The following WDPCP variants were observed in gnomAD, a reference collection of about 807,000 sequenced individuals.
WDPCP encodes WD repeat-containing and planar cell polarity effector protein fritz homolog.
WDPCP carries 71 observed loss-of-function variants against 93.1 expected under a neutral mutation model. The observed-to-expected ratio is 0.76, with a 90% CI of 0.63 to 0.93. The LOEUF (loss-of-function observed/expected upper bound fraction) is 0.93, where lower values mean the gene tolerates loss of function less well. Ranked by LOEUF, WDPCP falls within the 40% of genes least tolerant of loss-of-function variation. The pLI is 0.00. For synonymous variants in WDPCP, 315 were observed against 315.0 expected (o/e 1.00, Z 0.00); for missense variants, 844 against 887.4 (o/e 0.95, Z 0.62).
At chr2:63,837,971 C>T in the WDPCP span, among the ~76,000 whole-genome samples, 1 of 152,040 alleles carries the variant, frequency 6.6e-6, no homozygotes, top group East Asian at 1.9e-4. Context: ...AGGTGGGGAC[C>T]TGTAATCCTG....
At chr2:63,692,561 T>C (rs1181323812) in intron 2 of WDPCP, among the ~76,000 whole-genome samples, 2 of 152,188 alleles carry the variant, frequency 1.3e-5, no homozygotes, top group African/African-American at 4.8e-5. Flanking sequence ...CTAAACAGTA[T>C]AAACCAAGGT....
chr2:63,462,879 T>C (rs1699112560), intron 6 of WDPCP, among the ~76,000 whole-genome samples: 2 of 152,128 alleles, frequency 1.3e-5, no homozygotes, highest in East Asian at 3.9e-4. Context: ...GAGGGGTCTC[T>C]GCGTTTCATT....
chr2:63,376,443 T>C (rs780982660), intron 12 of WDPCP, among the ~76,000 whole-genome samples: 15 of 151,894 alleles, frequency 9.9e-5, no homozygotes, highest in Non-Finnish European at 2.1e-4. Context: ...ATTAGTAGAA[T>C]AGAGCATCCT....
At chr2:63,421,204 T>C (rs1389570920) in intron 9 of WDPCP, among the ~76,000 whole-genome samples, 1 of 152,168 alleles carries the variant, frequency 6.6e-6, no homozygotes. Context: ...ACAGGATAAA[T>C]ATATAAATGT....
chr2:63,692,097 G>A (rs1350308175), intron 2 of WDPCP, among the ~76,000 whole-genome samples: 2 of 152,070 alleles, frequency 1.3e-5, no homozygotes, highest in Admixed American at 6.5e-5. Flanking sequence ...TTGAGCCACA[G>A]ATTTCTAGCT....
intron 13 of WDPCP, among the ~76,000 whole-genome samples, chr2:63,288,382 G>C (rs2104991284): frequency 6.6e-6 from 1 of 152,314 alleles, no homozygotes; most frequent in Admixed American, 6.5e-5. Flanking sequence ...TTCAAAAGCA[G>C]AATAATGTCC....
chr2:63,180,174 A>G (rs1055703428), intron 14 of WDPCP, among the ~76,000 whole-genome samples: 4 of 152,182 alleles, frequency 2.6e-5, no homozygotes. Flanking sequence ...GAGGGTGGTA[A>G]CTGTGTTGTT....
chr2:63,550,208 CA>C (rs1383027407), intron 1 of WDPCP, among the ~76,000 whole-genome samples: 7 of 150,604 alleles, frequency 4.6e-5, no homozygotes, highest in Non-Finnish European at 7.4e-5. Context: ...CACACACACA[CA>C]CACACACACA....
At chr2:63,264,247 G>A (rs1283213868) in intron 13 of WDPCP, among the ~76,000 whole-genome samples, 3 of 152,182 alleles carry the variant, frequency 2.0e-5, no homozygotes, top group Admixed American at 6.5e-5. Context: ...CACCTCTGAG[G>A]ACACACAGAC....
intron 4 of WDPCP, 67 bp from the exon 5 acceptor site, chr2:63,485,054 G>A: frequency 6.5e-7 from 1 of 1,548,598 alleles, no homozygotes; most frequent in South Asian, 1.1e-5. Context: ...GCTTAGCAGT[G>A]TGCCTTAGGG....
chr2:63,837,229 T>C, the WDPCP span, among the ~76,000 whole-genome samples: 1 of 152,238 alleles, frequency 6.6e-6, no homozygotes, highest in Non-Finnish European at 1.5e-5. Context: ...CATTCATTAG[T>C]AGTCCATCTC....
At chr2:63,157,413 T>A (rs1672337107) in intron 15 of WDPCP, among the ~76,000 whole-genome samples, 1 of 152,120 alleles carries the variant, frequency 6.6e-6, no homozygotes, top group African/African-American at 2.4e-5. Context: ...TGAGCTGGGA[T>A]GTGTTGAATT....
intron 2 of WDPCP, among the ~76,000 whole-genome samples, chr2:63,767,541 T>A (rs1055935247): frequency 6.6e-6 from 1 of 152,248 alleles, no homozygotes; most frequent in East Asian, 1.9e-4. Flanking sequence ...GACATTCTAG[T>A]GGGTATAGGT....
intron 6 of WDPCP, among the ~76,000 whole-genome samples, chr2:63,464,628 C>T (rs184991166): frequency 2.6e-5 from 4 of 151,474 alleles, no homozygotes; most frequent in African/African-American, 9.7e-5. Context: ...GAGGTGGAAG[C>T]AATCCAGATG....
At chr2:63,563,325 G>T (rs1276013635) in intron 1 of WDPCP, among the ~76,000 whole-genome samples, 3 of 151,682 alleles carry the variant, frequency 2.0e-5, no homozygotes, top group African/African-American at 7.3e-5. Context: ...CAAGTCCTCT[G>T]CTTGTTGAAA....
intron 1 of WDPCP, among the ~76,000 whole-genome samples, chr2:63,544,068 T>C (rs1026789860): frequency 6.6e-6 from 1 of 152,256 alleles, no homozygotes; most frequent in African/African-American, 2.4e-5. Flanking sequence ...GACCAAGTAA[T>C]AGCAAAGCAA....
At chr2:63,722,924 A>G (rs1028531370) in intron 2 of WDPCP, among the ~76,000 whole-genome samples, 2 of 151,994 alleles carry the variant, frequency 1.3e-5, no homozygotes, top group African/African-American at 4.8e-5. Context: ...GAGACTTTTC[A>G]TTTTGTTCTG....
At chr2:63,377,678 A>G (rs1477832600) in intron 12 of WDPCP, among the ~76,000 whole-genome samples, 1 of 151,434 alleles carries the variant, frequency 6.6e-6, no homozygotes, top group African/African-American at 2.4e-5. Flanking sequence ...ATTGTGTGCT[A>G]ATTTTTTTGC....
chr2:63,492,617 G>A (rs1239553701), intron 2 of WDPCP, among the ~76,000 whole-genome samples: 1 of 151,980 alleles, frequency 6.6e-6, no homozygotes, highest in Non-Finnish European at 1.5e-5. Flanking sequence ...TGTATCTTAA[G>A]AGAGAACAAA....
Sources: allele counts gnomAD v4.1 joint callset (sites outside exome capture counted in the v4.1 genomes callset), GRCh38; gene constraint gnomAD v4.1.1; transcripts MANE v1.5; gene names NCBI Gene and HGNC (gene_info 2026-07-23, HGNC 2026-07-21).